PCED1B: variants seen among roughly 807,000 people sequenced by gnomAD.
The protein encoded by PCED1B is PC-esterase domain-containing protein 1B.
For missense variants in PCED1B, 573 were observed against 573.9 expected (o/e 1.00, Z 0.02); for synonymous variants, 251 against 246.1 (o/e 1.02, Z -0.19).
chr12:47,152,371 C>T (rs941637878), intron 2 of PCED1B, among the ~76,000 whole-genome samples: 1 of 152,166 alleles, frequency 6.6e-6, no homozygotes, highest in Non-Finnish European at 1.5e-5. Context: ...AATATTGCTT[C>T]TGGAGTCTTC....
chr12:47,156,126 T>A (rs1941184401), intron 2 of PCED1B, among the ~76,000 whole-genome samples: 2 of 152,232 alleles, frequency 1.3e-5, no homozygotes, highest in Admixed American at 1.3e-4. Context: ...TAATTTCTAG[T>A]ACTTTATTCA....
At chr12:47,098,402 G>A (rs1475397552) in intron 1 of PCED1B, among the ~76,000 whole-genome samples, 1 of 152,186 alleles carries the variant, frequency 6.6e-6, no homozygotes, top group African/African-American at 2.4e-5. Context: ...CAAAGTCTAT[G>A]AACAAAGGAA....
chr12:47,165,901 T>A (rs1941529595), intron 2 of PCED1B, among the ~76,000 whole-genome samples: 1 of 152,184 alleles, frequency 6.6e-6, no homozygotes, highest in Non-Finnish European at 1.5e-5. Flanking sequence ...CCAAGCAGAA[T>A]CATATGTCAA....
At chr12:47,136,229 A>C (rs139192835) in intron 2 of PCED1B, among the ~76,000 whole-genome samples, 2 of 151,212 alleles carry the variant, frequency 1.3e-5, no homozygotes, top group Non-Finnish European at 1.5e-5. Context: ...CCATTTTTCT[A>C]TTGATTTGCT....
In PCED1B at chr12:47,235,640, G is replaced by T. The variant is rs1943955987; in HGVS notation, c.577G>T (p.Val193Leu). Residue 193 changes from valine (V) to leucine (L), a missense_variant, in exon 4 of 4, where the codon GTG becomes TTG. Physicochemically the swap from Val to Leu is conservative, Grantham distance 32. Transcript: ENST00000546455. The part of the protein sequence containing the change: ...RQKATFLKNE[V>L]VKANFHSATE... Reference sequence around the variant, plus strand: ...GAAGGCCACCTTCCTGAAAAACGAAGTGGTCAAAGCCAACTTCCACAGCGC... The same window carrying T: ...GAAGGCCACCTTCCTGAAAAACGAATTGGTCAAAGCCAACTTCCACAGCGC... The T allele has an allele frequency of 6.2e-7, 1 of 1,610,530 alleles. No individual in the cohort carries two copies. The highest frequency in any genetic ancestry group is 1.1e-5 in the South Asian group (1 of 91,024).
At position 47,170,358 on chromosome 12, in the gene PCED1B, G is replaced by A. The variant is rs537477716; in HGVS notation, c.-525-45864G>A. On this transcript the variant is annotated intron_variant, in intron 2 of 3. Transcript: ENST00000546455. Reference sequence around the variant, plus strand: ...CCCCACATTTCCCCCTTTGCTATTCGGCAAAACCGCCATCGTCATCATGGC... The same window carrying A: ...CCCCACATTTCCCCCTTTGCTATTCAGCAAAACCGCCATCGTCATCATGGC... Among the ~76,000 whole-genome samples, 38 of 151,810 alleles carry A rather than the reference G, an allele frequency of 2.5e-4. 1 individual carries two copies. In the South Asian group the frequency reaches 7.3e-3, roughly 29 times the overall value.
intron 2 of PCED1B, among the ~76,000 whole-genome samples, chr12:47,201,596 T>A (rs1001613477): frequency 6.9e-6 from 1 of 145,394 alleles, no homozygotes; most frequent in Admixed American, 6.7e-5. Context: ...AAGGAAGAAA[T>A]TTTTTTTTCT....
intron 2 of PCED1B, among the ~76,000 whole-genome samples, chr12:47,203,535 G>A (rs989683781): frequency 3.9e-5 from 6 of 152,050 alleles, no homozygotes; most frequent in African/African-American, 1.4e-4. Flanking sequence ...TTAACATTTA[G>A]CTCCCACTTA....
intron 2 of PCED1B, among the ~76,000 whole-genome samples, chr12:47,109,728 G>C (rs367754184): frequency 2.0e-5 from 3 of 152,084 alleles, no homozygotes; most frequent in Non-Finnish European, 2.9e-5. Flanking sequence ...GGAGAGAAGG[G>C]GGTGCAATAG....
At chr12:47,230,374 A>G (rs536477206) in intron 3 of PCED1B, among the ~76,000 whole-genome samples, 124 of 151,636 alleles carry the variant, frequency 8.2e-4, no homozygotes, top group African/African-American at 2.2e-3. Flanking sequence ...ATAAGCCACC[A>G]CGCCTGGCCA....
intron 3 of PCED1B, among the ~76,000 whole-genome samples, chr12:47,223,082 A>G (rs1219057794): frequency 6.6e-6 from 1 of 152,174 alleles, no homozygotes; most frequent in African/African-American, 2.4e-5. Flanking sequence ...GGCCTTGAGA[A>G]AGACCTGGAA....
chr12:47,139,816 T>G (rs1265749966), intron 2 of PCED1B, among the ~76,000 whole-genome samples: 1 of 152,136 alleles, frequency 6.6e-6, no homozygotes, highest in Non-Finnish European at 1.5e-5. Context: ...GGCATGTGTA[T>G]AGCGTATTTT....
chr12:47,203,827 C>T (rs1003589266), intron 2 of PCED1B, among the ~76,000 whole-genome samples: 30 of 152,100 alleles, frequency 2.0e-4, no homozygotes, highest in African/African-American at 6.8e-4. Flanking sequence ...GGTATATACC[C>T]GGTAATGGGA....
intron 2 of PCED1B, among the ~76,000 whole-genome samples, chr12:47,113,594 A>T (rs1478640483): frequency 6.6e-6 from 1 of 152,190 alleles, no homozygotes; most frequent in African/African-American, 2.4e-5. Context: ...AGACAATCAG[A>T]TTTTACCAGA....
chr12:47,236,119 A>C lies in PCED1B; in HGVS notation c.1056A>C (p.Gln352His). Residue 352 changes from glutamine to histidine, a missense_variant, in exon 4 of 4, where the codon CAA becomes CAC. Physicochemically the swap from Gln to His is conservative, Grantham distance 24. Coordinates refer to ENST00000546455, the MANE Select transcript of PCED1B (RefSeq NM_138371.3). ...CAGACCATACTTTCCAGTCGGATCA[A>C]TTCTATTGCCATTCAGATGTCCCCT... ...FSSDHTFQSD[Q>H]FYCHSDVPSS... The C allele has an allele frequency of 1.2e-6, 2 of 1,614,002 alleles. No individual in the cohort carries two copies. Among genetic ancestry groups the C allele is most frequent in the Non-Finnish European group, 1.7e-6 (2 of 1,180,022 alleles).
chr12:47,201,571 T>C lies in PCED1B; in HGVS notation c.-525-14651T>C, dbSNP rs1010384238. Among the ~76,000 whole-genome samples the C allele has an allele frequency of 4.6e-5, 7 of 152,108 alleles. No individual in the cohort carries two copies. The Middle Eastern group carries it at 0.01, about 222-fold the overall frequency. ...ACAATACTGCCCAGCAGTATTTTAT[T>C]GTTATTCCTTAACAAAGGAAGAAAT... On this transcript the variant is annotated intron_variant, in intron 2 of 3. Transcript: ENST00000546455.
intron 2 of PCED1B, among the ~76,000 whole-genome samples, chr12:47,121,935 GGCAGGAGAATCGCTTAAACCTAGGGAGGT>G (rs1217018709): frequency 2.0e-5 from 3 of 151,416 alleles, no homozygotes; most frequent in Non-Finnish European, 4.4e-5. Context: ...GGGAGGCTGA[GGCAGGAGAATCGCTTAAACCTAGGGAGGT>G]TGCAGTGAGC....
chr12:47,145,553 G>A (rs1000165218), intron 2 of PCED1B, among the ~76,000 whole-genome samples: 2 of 152,124 alleles, frequency 1.3e-5, no homozygotes, highest in South Asian at 2.1e-4. Context: ...TTTAGGTACC[G>A]ATGCAACTGG....
chr12:47,136,513 C>T lies in PCED1B; in HGVS notation c.-526+32318C>T, dbSNP rs1940379040. Among the ~76,000 whole-genome samples the T allele has an allele frequency of 2.0e-5, 3 of 152,244 alleles. No individual in the cohort carries two copies. In the South Asian group the frequency reaches 6.2e-4, roughly 32 times the overall value. On this transcript the variant is annotated intron_variant, in intron 2 of 3. Coordinates refer to ENST00000546455, the MANE Select transcript of PCED1B (RefSeq NM_138371.3). ...CCAAGGGAAATTTGAGTGATCTTAG[C>T]TGGGAAAGAAACCAAATATTCATGC...
Sources: gnomAD v4.1 joint callset for allele counts (sites outside exome capture counted in the v4.1 genomes callset) on GRCh38, gnomAD v4.1.1 for gene constraint, MANE v1.5 for transcripts, NCBI Gene and HGNC (gene_info 2026-07-23, HGNC 2026-07-21) for gene names.